Variants in HS6ST3 observed in about 807,000 individuals in gnomAD.
The protein encoded by HS6ST3 is heparan sulfate 6-O-sulfotransferase 3.
In HS6ST3, 12 loss-of-function variants were observed where a neutral mutation model predicts 36.7. The observed-to-expected ratio is 0.33, with a 90% CI of 0.21 to 0.53. HS6ST3 has a LOEUF of 0.53. Among genes scored for constraint, HS6ST3 ranks in the 20% least tolerant of loss-of-function variants. The pLI, the probability that HS6ST3 is intolerant of heterozygous loss-of-function variation, is 0.95. For synonymous variants in HS6ST3, 240 were observed against 257.5 expected, an observed-to-expected ratio of 0.93 and a Z score of 0.65; for missense variants, 584 against 640.9, an observed-to-expected ratio of 0.91 and a Z score of 0.96.
chr13:96,415,939 A>T (rs755324413), intron 1 of HS6ST3, among the ~76,000 whole-genome samples: 1 of 152,156 alleles, frequency 6.6e-6, no homozygotes, highest in African/African-American at 2.4e-5. Context: ...GACTATTAAA[A>T]CTGAGAATAA....
intron 1 of HS6ST3, among the ~76,000 whole-genome samples, chr13:96,656,886 G>A (rs567346377): frequency 6.6e-6 from 1 of 152,016 alleles, no homozygotes; most frequent in Non-Finnish European, 1.5e-5. Flanking sequence ...TTTGGAATGT[G>A]TCACGGCCAG....
intron 1 of HS6ST3, among the ~76,000 whole-genome samples, chr13:96,112,583 ATATATATATATATATAT>A (rs2053874657): frequency 1.4e-4 from 6 of 41,982 alleles, no homozygotes; most frequent in African/African-American, 2.6e-4. Flanking sequence ...AAATAAATAT[ATATATATATATATATAT>A]ATATATATAT....
Position 96,188,805 on chromosome 13 carries a change from A to G in HS6ST3, c.707+97236A>G, listed in dbSNP as rs16951658. Among the ~76,000 whole-genome samples the G allele has an allele frequency of 8.2e-3, 1,254 of 152,294 alleles. 37 individuals carry two copies. The highest frequency in any genetic ancestry group is 0.046 in the Admixed American group (698 of 15,284). On this transcript the variant is annotated intron_variant, in intron 1 of 1. Coordinates refer to ENST00000376705, the MANE Select transcript of HS6ST3 (RefSeq NM_153456.4). ...ATTATCAGATGATTGCATTGGGGAT[A>G]TTTATTGTCCATAATTAGAAGAGTT...
At chr13:96,701,425 G>C (rs540518422) in intron 1 of HS6ST3, among the ~76,000 whole-genome samples, 2 of 152,082 alleles carry the variant, frequency 1.3e-5, no homozygotes, top group Admixed American at 6.6e-5. Context: ...GAAGAGGCTG[G>C]GTTTTAAATA....
intron 1 of HS6ST3, among the ~76,000 whole-genome samples, chr13:96,612,043 A>C (rs2056458778): frequency 6.6e-6 from 1 of 152,158 alleles, no homozygotes; most frequent in African/African-American, 2.4e-5. Flanking sequence ...CTTGATTTAG[A>C]GTAGTCTCAT....
chr13:96,663,321 C>A (rs914628493), intron 1 of HS6ST3, among the ~76,000 whole-genome samples: 1 of 152,174 alleles, frequency 6.6e-6, no homozygotes, highest in Non-Finnish European at 1.5e-5. Flanking sequence ...AAACTTCTCT[C>A]CCACAGTTCT....
chr13:96,506,604 G>A (rs1483370066), intron 1 of HS6ST3, among the ~76,000 whole-genome samples: 4 of 152,100 alleles, frequency 2.6e-5, no homozygotes, highest in Non-Finnish European at 5.9e-5. Context: ...AGTGCTCAAT[G>A]CAATCAGTGA....
intron 1 of HS6ST3, among the ~76,000 whole-genome samples, chr13:96,471,434 C>T (rs1427395521): frequency 6.6e-6 from 1 of 152,198 alleles, no homozygotes; most frequent in East Asian, 1.9e-4. Flanking sequence ...TGGGGTTGCA[C>T]CTTGAGGGTG....
intron 1 of HS6ST3, among the ~76,000 whole-genome samples, chr13:96,378,072 G>GT (rs2055323210): frequency 6.6e-6 from 1 of 152,142 alleles, no homozygotes; most frequent in Non-Finnish European, 1.5e-5. Flanking sequence ...TTATTTGTCA[G>GT]TATTGGGGAA....
chr13:96,222,676 G>A (rs1056072608), intron 1 of HS6ST3, among the ~76,000 whole-genome samples: 2 of 152,178 alleles, frequency 1.3e-5, no homozygotes, highest in African/African-American at 4.8e-5. Flanking sequence ...AATCAGAAAT[G>A]GAAAAATCAG....
intron 1 of HS6ST3, among the ~76,000 whole-genome samples, chr13:96,148,342 A>G (rs568903836): frequency 2.6e-5 from 4 of 152,204 alleles, no homozygotes; most frequent in South Asian, 2.1e-4. Flanking sequence ...GAGATTAAAT[A>G]TATCTCACAG....
intron 1 of HS6ST3, among the ~76,000 whole-genome samples, chr13:96,452,485 A>G (rs545778168): frequency 6.6e-6 from 1 of 152,316 alleles, no homozygotes; most frequent in East Asian, 1.9e-4. Context: ...TCACAAATCC[A>G]ATTTTCAATG....
chr13:96,139,541 G>GCAAAAAAAAA (rs371698480), intron 1 of HS6ST3, among the ~76,000 whole-genome samples: 3 of 66,262 alleles, frequency 4.5e-5, no homozygotes, highest in African/African-American at 1.8e-4. Flanking sequence ...GTAAGATTCA[G>GCAAAAAAAAA]AAAAAAAAAA....
intron 1 of HS6ST3, among the ~76,000 whole-genome samples, chr13:96,597,608 G>A (rs1339403257): frequency 1.3e-5 from 2 of 151,636 alleles, no homozygotes; most frequent in Admixed American, 6.6e-5. Flanking sequence ...TGTATAGTTT[G>A]CTAATATTTT....
intron 1 of HS6ST3, among the ~76,000 whole-genome samples, chr13:96,662,164 C>T (rs114552075): frequency 0.012 from 1,840 of 152,210 alleles, 32 homozygotes; most frequent in African/African-American, 0.042. Flanking sequence ...GGGACATTTT[C>T]GTGAATTATT....
chr13:96,146,573 G>T (rs2054059389), intron 1 of HS6ST3, among the ~76,000 whole-genome samples: 1 of 152,148 alleles, frequency 6.6e-6, no homozygotes, highest in South Asian at 2.1e-4. Context: ...ACTTCTGATA[G>T]ATGCCTCCTA....
chr13:96,381,317 T>C (rs888304266), intron 1 of HS6ST3, among the ~76,000 whole-genome samples: 9 of 152,194 alleles, frequency 5.9e-5, no homozygotes, highest in African/African-American at 2.2e-4. Flanking sequence ...TGGTGAAGAT[T>C]GTATGTAAAA....
intron 1 of HS6ST3, among the ~76,000 whole-genome samples, chr13:96,601,216 G>T (rs2056420509): frequency 6.6e-6 from 1 of 152,000 alleles, no homozygotes; most frequent in African/African-American, 2.4e-5. Flanking sequence ...TAAATCTCTA[G>T]CAAGCCCAAG....
chr13:96,431,720 A>G (rs1473937038), intron 1 of HS6ST3, among the ~76,000 whole-genome samples: 2 of 152,204 alleles, frequency 1.3e-5, no homozygotes, highest in African/African-American at 4.8e-5. Context: ...GTTGCCCACA[A>G]GAACAAGCGA....
Sources: allele counts gnomAD v4.1 joint callset (sites outside exome capture counted in the v4.1 genomes callset), GRCh38; gene constraint gnomAD v4.1.1; transcripts MANE v1.5; gene names NCBI Gene and HGNC (gene_info 2026-07-23, HGNC 2026-07-21).